Variants in AGMO observed in about 807,000 individuals in gnomAD.
AGMO encodes alkylglycerol monooxygenase, also known as glyceryl-ether monooxygenase.
A neutral mutation model predicts 60.2 loss-of-function variants in AGMO; 75 were observed. The ratio of observed to expected loss-of-function variants is 1.25; its 90% CI spans 1.03 to 1.51. AGMO has a LOEUF of 1.51. Ranked by LOEUF, AGMO falls within the 40% of genes most tolerant of loss-of-function variation. The pLI is 0.00. For synonymous variants in AGMO, 261 were observed against 177.1 expected (o/e 1.47, Z -3.76); for missense variants, 763 against 525.5 (o/e 1.45, Z -4.42).
intron 12 of AGMO, among the ~76,000 whole-genome samples, chr7:15,269,062 T>C (rs1343876164): frequency 1.3e-5 from 2 of 152,092 alleles, no homozygotes; most frequent in Admixed American, 6.6e-5. Context: ...ATTTTTGGCA[T>C]TGTGGGCCAT....
At chr7:15,323,492 G>A (rs1781246090) in intron 12 of AGMO, among the ~76,000 whole-genome samples, 1 of 151,984 alleles carries the variant, frequency 6.6e-6, no homozygotes, top group African/African-American at 2.4e-5. Flanking sequence ...ATGGTAGGAG[G>A]GATATTGTCA....
chr7:15,299,092 T>C (rs948836022), intron 12 of AGMO, among the ~76,000 whole-genome samples: 1 of 152,142 alleles, frequency 6.6e-6, no homozygotes, highest in Admixed American at 6.6e-5. Flanking sequence ...ACCCCAGTAG[T>C]TGGATTCTTC....
At chr7:15,387,364 G>A (rs1783958063) in intron 9 of AGMO, 42 bp downstream of exon 9, 4 of 1,598,992 alleles carry the variant, frequency 2.5e-6, no homozygotes, top group South Asian at 1.1e-5. Context: ...CTGACAATAT[G>A]AGACAATCTT....
chr7:15,376,450 GC>G (rs1297624895), intron 10 of AGMO, among the ~76,000 whole-genome samples: 4 of 151,900 alleles, frequency 2.6e-5, no homozygotes, highest in Non-Finnish European at 5.9e-5. Context: ...AAATTGTAGT[GC>G]CCATAATGTT....
At position 15,327,751 on chromosome 7, in the gene AGMO, T is replaced by C. The variant is rs1394562209; in HGVS notation, c.1263+37763A>G. 2.9e-4 allele frequency among the ~76,000 whole-genome samples: 41 copies of C among 139,514 alleles called. No homozygotes were observed. In the East Asian group the frequency reaches 7.4e-3, roughly 25 times the overall value. 91.5% of individuals were successfully genotyped at this position (139,514 alleles called of 152,430 possible). On this transcript the variant is annotated intron_variant, in intron 12 of 12. Coordinates refer to ENST00000342526, the MANE Select transcript of AGMO (RefSeq NM_001004320.2). ...AAACTGATTTCTTTCTTTTTTTTTT[T>C]TTTTTTTTTTTTTTGAGACAAGGTC...
chr7:15,227,246 T>A (rs62448952), intron 12 of AGMO, among the ~76,000 whole-genome samples: 17,243 of 151,730 alleles, frequency 0.11, 1,301 homozygotes, highest in South Asian at 0.2. Context: ...TATCAGCCAA[T>A]CACATCAAGC....
In AGMO at chr7:15,358,461, C is replaced by T. The variant is rs531675503; in HGVS notation, c.1263+7053G>A. 14 of 469,668 alleles carry T rather than the reference C, an allele frequency of 3.0e-5. No individual in the cohort carries two copies. The East Asian group carries it at 4.2e-4, about 14-fold the overall frequency. 29.1% of individuals were successfully genotyped at this position (469,668 alleles called of 1,614,324 possible). On this transcript the variant is annotated intron_variant, in intron 12 of 12. Transcript: ENST00000342526. Reference sequence around the variant, plus strand: ...AGGGTGTTTCCTAAAGGGTGAGATACGTACTAATTAATGTTGGTACTCCGT... The same window carrying T: ...AGGGTGTTTCCTAAAGGGTGAGATATGTACTAATTAATGTTGGTACTCCGT...
At chr7:15,266,926 C>T (rs1311555728) in intron 12 of AGMO, among the ~76,000 whole-genome samples, 1 of 151,942 alleles carries the variant, frequency 6.6e-6, no homozygotes, top group African/African-American at 2.4e-5. Flanking sequence ...TGTCGAAATT[C>T]CACAGAAGAG....
intron 12 of AGMO, among the ~76,000 whole-genome samples, chr7:15,321,787 A>T (rs190600573): frequency 4.2e-4 from 64 of 152,230 alleles, no homozygotes; most frequent in Non-Finnish European, 6.5e-4. Context: ...AAAAAGATTT[A>T]AAAAATATGG....
intron 12 of AGMO, among the ~76,000 whole-genome samples, chr7:15,337,730 G>A (rs953601002): frequency 6.6e-6 from 1 of 152,186 alleles, no homozygotes; most frequent in Admixed American, 6.6e-5. Flanking sequence ...AAATCTCTGT[G>A]GCAGTCTTTG....
intron 12 of AGMO, 141 bp from the exon 13 acceptor site, chr7:15,201,500 G>T (rs1407981934): frequency 6.7e-6 from 4 of 600,608 alleles, no homozygotes; most frequent in African/African-American, 3.7e-5. Context: ...TCTAGCAATT[G>T]TTCACTGATA....
intron 12 of AGMO, among the ~76,000 whole-genome samples, chr7:15,342,656 CGTGT>C (rs548738311): frequency 2.0e-5 from 3 of 151,146 alleles, no homozygotes; most frequent in South Asian, 2.1e-4. Flanking sequence ...ATTTTGCGCG[CGTGT>C]GTGTGTGTAA....
chr7:15,470,426 T>C (rs559329581), intron 3 of AGMO, among the ~76,000 whole-genome samples: 1 of 152,098 alleles, frequency 6.6e-6, no homozygotes, highest in East Asian at 1.9e-4. Flanking sequence ...TTTCATGGGC[T>C]TATACATTTT....
intron 6 of AGMO, among the ~76,000 whole-genome samples, 179 bp downstream of exon 6, chr7:15,393,933 AC>A: frequency 1.6e-5 from 1 of 62,158 alleles, no homozygotes; most frequent in Non-Finnish European, 3.1e-5. Flanking sequence ...ACCCCACCCC[AC>A]CAGTTCATAC....
intron 12 of AGMO, among the ~76,000 whole-genome samples, chr7:15,364,914 T>C (rs1347781000): frequency 6.6e-6 from 1 of 152,052 alleles, no homozygotes; most frequent in Non-Finnish European, 1.5e-5. Flanking sequence ...CACTCTCTAT[T>C]AATGCACTAG....
At chr7:15,523,356 C>A (rs1417971627) in intron 3 of AGMO, among the ~76,000 whole-genome samples, 1 of 152,164 alleles carries the variant, frequency 6.6e-6, no homozygotes, top group Non-Finnish European at 1.5e-5. Flanking sequence ...GATTATAAAT[C>A]ATTCTACTAT....
chr7:15,282,157 A>G lies in AGMO; in HGVS notation c.1264-80798T>C, dbSNP rs1481760197. 2.0e-5 allele frequency among the ~76,000 whole-genome samples: 3 copies of G among 152,170 alleles called. No homozygotes were observed. The East Asian group carries it at 5.8e-4, about 29-fold the overall frequency. On this transcript the variant is annotated intron_variant, in intron 12 of 12. Coordinates refer to ENST00000342526, the MANE Select transcript of AGMO (RefSeq NM_001004320.2). ...CAACCAGAAAAATACTTCTGGTAATATGACAAAACAGGATTCCATAACATC... is the reference window on the plus strand; with the variant it reads ...CAACCAGAAAAATACTTCTGGTAATGTGACAAAACAGGATTCCATAACATC...
intron 10 of AGMO, 124 bp downstream of exon 10, chr7:15,385,322 T>C (rs556330407): frequency 3.2e-6 from 2 of 621,622 alleles, no homozygotes; most frequent in African/African-American, 1.9e-5. Flanking sequence ...ATGTGAGACG[T>C]TGCCAAAATT....
At chr7:15,270,541 A>T (rs1783567181) in intron 12 of AGMO, among the ~76,000 whole-genome samples, 1 of 144,122 alleles carries the variant, frequency 6.9e-6, no homozygotes, top group Non-Finnish European at 1.5e-5. Context: ...TTGCAAGCAT[A>T]ATTTGCAAAT....
Sources: gnomAD v4.1 joint callset for allele counts (sites outside exome capture counted in the v4.1 genomes callset) on GRCh38, gnomAD v4.1.1 for gene constraint, MANE v1.5 for transcripts, NCBI Gene and HGNC (gene_info 2026-07-23, HGNC 2026-07-21) for gene names.